Variants in RPS6KC1 observed in about 807,000 individuals in gnomAD.
RPS6KC1 encodes the protein ribosomal protein S6 kinase C1, also known as inactive ribosomal protein S6 kinase delta-1.
A neutral mutation model predicts 103.8 loss-of-function variants in RPS6KC1; 54 were observed. The observed-to-expected ratio is 0.52, with a 90% confidence interval of 0.42 to 0.65. The LOEUF is 0.65. Ranked by LOEUF, RPS6KC1 falls within the 30% of genes least tolerant of loss-of-function variation. The pLI is 0.00. For missense variants in RPS6KC1, 1,151 were observed against 1,253.8 expected (o/e 0.92, Z 1.24); for synonymous variants, 439 against 438.7 (o/e 1.00, Z -0.01).
the RPS6KC1 span, among the ~76,000 whole-genome samples, chr1:213,758,269 A>G: frequency 6.6e-6 from 1 of 152,206 alleles, no homozygotes; most frequent in African/African-American, 2.4e-5. Context: ...TTATCATTCT[A>G]GGTGCCATTA....
intron 5 of RPS6KC1, among the ~76,000 whole-genome samples, chr1:213,121,831 C>T (rs1353798553): frequency 6.6e-6 from 1 of 151,986 alleles, no homozygotes. Flanking sequence ...ATTGTAACCA[C>T]AAAGAAAAAT....
Position 213,234,302 on chromosome 1 carries a change from C to T in RPS6KC1, c.1225+2047C>T, listed in dbSNP as rs889915151. On this transcript the variant is annotated intron_variant, in intron 10 of 14. Transcript: ENST00000366960. ...CTGGGATTGCAGGGGTGAGCCACCA[C>T]GCCAGGCCTGAAACTTAAATTCTTG... 1.3e-5 allele frequency among the ~76,000 whole-genome samples: 2 copies of T among 152,054 alleles called. 1 individual carries two copies. Among genetic ancestry groups the T allele is most frequent in the South Asian group, 4.1e-4 (2 of 4,824 alleles).
At chr1:213,783,924 T>C in the RPS6KC1 span, among the ~76,000 whole-genome samples, 28 of 152,250 alleles carry the variant, frequency 1.8e-4, no homozygotes, top group African/African-American at 6.7e-4. Flanking sequence ...AATTCTATTG[T>C]TCCTTTTGAA....
At chr1:213,202,336 C>T (rs1231352204) in intron 8 of RPS6KC1, among the ~76,000 whole-genome samples, 5 of 152,154 alleles carry the variant, frequency 3.3e-5, no homozygotes, top group South Asian at 2.1e-4. Flanking sequence ...AGCAGCTGGG[C>T]GTGGTGGCTC....
At chr1:213,763,914 T>C in the RPS6KC1 span, among the ~76,000 whole-genome samples, 3 of 152,216 alleles carry the variant, frequency 2.0e-5, no homozygotes, top group Non-Finnish European at 2.9e-5. Flanking sequence ...CATGTAGACA[T>C]TTTGCTCTCC....
At chr1:213,317,957 A>G in the RPS6KC1 span, among the ~76,000 whole-genome samples, 1 of 152,218 alleles carries the variant, frequency 6.6e-6, no homozygotes, top group East Asian at 1.9e-4. Context: ...ACTGTGCATG[A>G]CACAGAGGCA....
chr1:213,706,206 TA>T, the RPS6KC1 span, among the ~76,000 whole-genome samples: 1 of 152,174 alleles, frequency 6.6e-6, no homozygotes, highest in South Asian at 2.1e-4. Flanking sequence ...CAAGTTTTTA[TA>T]GGGCCCCACA....
the RPS6KC1 span, among the ~76,000 whole-genome samples, chr1:213,291,147 G>T: frequency 5.9e-3 from 905 of 152,206 alleles, 6 homozygotes; most frequent in Admixed American, 0.012. Context: ...CACTGAAAAG[G>T]TACTCCGGCA....
the RPS6KC1 span, among the ~76,000 whole-genome samples, chr1:213,722,306 A>C: frequency 6.6e-6 from 1 of 152,284 alleles, no homozygotes; most frequent in African/African-American, 2.4e-5. Context: ...TCCAGTACCC[A>C]AACTTTCCTC....
At chr1:213,496,897 G>A in the RPS6KC1 span, among the ~76,000 whole-genome samples, 217 of 152,316 alleles carry the variant, frequency 1.4e-3, 1 homozygote, top group African/African-American at 5.1e-3. Flanking sequence ...CACAGTGGAA[G>A]CATTTACACC....
At chr1:213,202,809 A>C (rs2093213431) in intron 8 of RPS6KC1, among the ~76,000 whole-genome samples, 1 of 152,192 alleles carries the variant, frequency 6.6e-6, no homozygotes, top group South Asian at 2.1e-4. Flanking sequence ...AAAATATTTT[A>C]ATTATGATTG....
chr1:213,670,481 T>C, the RPS6KC1 span, among the ~76,000 whole-genome samples: 1 of 152,216 alleles, frequency 6.6e-6, no homozygotes, highest in Admixed American at 6.5e-5. Flanking sequence ...TGTGCAAAGA[T>C]CTGATTTGTG....
At chr1:213,431,308 G>T in the RPS6KC1 span, among the ~76,000 whole-genome samples, 2 of 151,960 alleles carry the variant, frequency 1.3e-5, no homozygotes, top group African/African-American at 4.8e-5. Context: ...TAAACTTTTA[G>T]GTTCAAGAAT....
At chr1:213,367,867 T>A in the RPS6KC1 span, among the ~76,000 whole-genome samples, 2 of 152,198 alleles carry the variant, frequency 1.3e-5, no homozygotes, top group South Asian at 2.1e-4. Context: ...GGTGACTAGA[T>A]GAAAATTAGC....
chr1:213,728,948 G>GTTTTTTTTTT, the RPS6KC1 span, among the ~76,000 whole-genome samples: 23 of 91,284 alleles, frequency 2.5e-4, 1 homozygote, highest in South Asian at 4.0e-4. Context: ...TTTTTTTTTT[G>GTTTTTTTTTT]TTTTTTTTTT....
At chr1:213,530,982 T>C in the RPS6KC1 span, among the ~76,000 whole-genome samples, 71 of 152,318 alleles carry the variant, frequency 4.7e-4, 1 homozygote, top group Middle Eastern at 3.4e-3. Context: ...ATCATGAGAA[T>C]TCACTATATA....
chr1:213,136,985 A>G (rs969411839), intron 6 of RPS6KC1, among the ~76,000 whole-genome samples: 1 of 152,216 alleles, frequency 6.6e-6, no homozygotes, highest in East Asian at 1.9e-4. Context: ...GAGCCATGGC[A>G]CCTGGCTCAG....
chr1:213,622,782 C>T, the RPS6KC1 span, among the ~76,000 whole-genome samples: 1 of 152,138 alleles, frequency 6.6e-6, no homozygotes, highest in Non-Finnish European at 1.5e-5. Context: ...CTTGAACCTG[C>T]TGTGGCTTGC....
At chr1:213,278,603 ATTC>A (rs1422939387), downstream of RPS6KC1, among the ~76,000 whole-genome samples, 1 of 152,144 alleles carries the variant, frequency 6.6e-6, no homozygotes, top group East Asian at 1.9e-4. Flanking sequence ...TGCTCTCTCA[ATTC>A]TTCTTTCTCT....
Sources: allele counts gnomAD v4.1 joint callset (sites outside exome capture counted in the v4.1 genomes callset), GRCh38; gene constraint gnomAD v4.1.1; transcripts MANE v1.5; gene names NCBI Gene and HGNC (gene_info 2026-07-23, HGNC 2026-07-21).